CDKAL1: variants seen among roughly 807,000 people sequenced by gnomAD.
The protein encoded by CDKAL1 is CDKAL1 threonylcarbamoyladenosine tRNA methylthiotransferase.
In CDKAL1, 32 loss-of-function variants were observed where a neutral mutation model predicts 68.2. The observed-to-expected ratio is 0.47, with a 90% CI of 0.35 to 0.63. The LOEUF is 0.63. CDKAL1 is among the 30% of genes least tolerant of loss of function. The pLI, the probability that CDKAL1 is intolerant of heterozygous loss-of-function variation, is 0.00. For synonymous variants in CDKAL1, 234 were observed against 244.3 expected (o/e 0.96, Z 0.39); for missense variants, 606 against 696.7 (o/e 0.87, Z 1.47).
intron 6 of CDKAL1, among the ~76,000 whole-genome samples, chr6:20,743,838 C>T (rs1773557873): frequency 6.6e-6 from 1 of 152,182 alleles, no homozygotes; most frequent in Non-Finnish European, 1.5e-5. Flanking sequence ...TGTCTAATTT[C>T]TTCACAATGG....
chr6:20,958,058 C>G (rs1005807291), intron 10 of CDKAL1, among the ~76,000 whole-genome samples: 7 of 151,640 alleles, frequency 4.6e-5, no homozygotes, highest in African/African-American at 1.7e-4. Context: ...AATCCTAACC[C>G]CTGGCCAGAA....
In CDKAL1 at chr6:20,943,002, G is replaced by A. The variant is rs536081157; in HGVS notation, c.743-12417G>A. 1.0e-4 allele frequency among the ~76,000 whole-genome samples: 15 copies of A among 147,204 alleles called. No individual in the cohort carries two copies. The East Asian group carries it at 2.8e-3, about 27-fold the overall frequency. ...AATTATATTTTATATATACCCACAT[G>A]TTTGCCATTTCTGGTCCAATTCTTT... On this transcript the variant is annotated intron_variant, in intron 9 of 15. Transcript: ENST00000274695.
intron 12 of CDKAL1, among the ~76,000 whole-genome samples, chr6:21,103,105 T>C (rs571545483): frequency 1.6e-4 from 25 of 152,252 alleles, no homozygotes; most frequent in Non-Finnish European, 3.5e-4. Context: ...ATAGTCTTAT[T>C]ATAGCTTTTC....
chr6:21,140,995 A>C (rs1354563650), intron 13 of CDKAL1, among the ~76,000 whole-genome samples: 1 of 152,170 alleles, frequency 6.6e-6, no homozygotes, highest in African/African-American at 2.4e-5. Flanking sequence ...CTTATTCACT[A>C]TCACGAGAAT....
At chr6:21,070,537 G>A (rs1354543713) in intron 12 of CDKAL1, among the ~76,000 whole-genome samples, 1 of 151,668 alleles carries the variant, frequency 6.6e-6, no homozygotes, top group African/African-American at 2.4e-5. Context: ...CTTGCTGAGA[G>A]TACTTTTCTT....
At chr6:20,694,673 C>T (rs1005129743) in intron 5 of CDKAL1, among the ~76,000 whole-genome samples, 10 of 152,104 alleles carry the variant, frequency 6.6e-5, no homozygotes, top group African/African-American at 2.4e-4. Context: ...AGAATGAAGG[C>T]CTTTGTCACT....
intron 6 of CDKAL1, among the ~76,000 whole-genome samples, chr6:20,739,880 G>A (rs1441024524): frequency 1.3e-5 from 2 of 152,128 alleles, no homozygotes; most frequent in South Asian, 2.1e-4. Flanking sequence ...TTAATAACCC[G>A]GTCTTTGGCT....
chr6:21,217,576 C>T (rs751095991), intron 15 of CDKAL1, among the ~76,000 whole-genome samples: 2 of 152,082 alleles, frequency 1.3e-5, no homozygotes, highest in Non-Finnish European at 2.9e-5. Context: ...CGGCTCACTG[C>T]AACCTCTGCC....
chr6:20,813,493 T>C lies in CDKAL1; in HGVS notation c.638+32228T>C, dbSNP rs192514572. Among the ~76,000 whole-genome samples, 3 of 152,356 alleles carry C rather than the reference T, an allele frequency of 2.0e-5. No homozygotes were observed. In the East Asian group the frequency reaches 5.8e-4, roughly 29 times the overall value. On this transcript the variant is annotated intron_variant, in intron 8 of 15. Coordinates refer to ENST00000274695, the MANE Select transcript of CDKAL1 (RefSeq NM_017774.3). ...AGTTTATGATATTTTCAAGTATAAC[T>C]TGTACTTTTTGTGTTTCACATCCAA... is the stretch of plus-strand genomic sequence containing the variant.
chr6:20,945,071 TAC>T (rs141227225), intron 9 of CDKAL1, among the ~76,000 whole-genome samples: 346 of 150,364 alleles, frequency 2.3e-3, no homozygotes, highest in Middle Eastern at 7.0e-3. Context: ...CACACACACG[TAC>T]ACACACACAC....
At chr6:21,092,614 AT>A (rs1773099442) in intron 12 of CDKAL1, among the ~76,000 whole-genome samples, 1 of 152,114 alleles carries the variant, frequency 6.6e-6, no homozygotes, top group African/African-American at 2.4e-5. Context: ...GGATTACCAA[AT>A]TCCTGAGGAA....
chr6:20,598,202 G>A (rs996355239), intron 4 of CDKAL1, among the ~76,000 whole-genome samples: 2 of 152,190 alleles, frequency 1.3e-5, no homozygotes, highest in African/African-American at 4.8e-5. Flanking sequence ...CAGAAGTACT[G>A]TAAGAAACCT....
chr6:20,586,935 G>C (rs1212332604), intron 4 of CDKAL1, among the ~76,000 whole-genome samples: 4 of 145,930 alleles, frequency 2.7e-5, no homozygotes, highest in African/African-American at 1.0e-4. Context: ...GCATATGCTT[G>C]CACTTGCTAT....
intron 13 of CDKAL1, among the ~76,000 whole-genome samples, chr6:21,152,171 G>C (rs1776441655): frequency 6.6e-6 from 1 of 152,134 alleles, no homozygotes. Flanking sequence ...TCTCAGAAGA[G>C]GGTCCTCTCT....
chr6:20,560,929 A>C (rs777217295), intron 4 of CDKAL1, among the ~76,000 whole-genome samples: 4 of 152,144 alleles, frequency 2.6e-5, no homozygotes, highest in Non-Finnish European at 5.9e-5. Flanking sequence ...TTTTTACCTA[A>C]TCTAATCATT....
At position 21,142,415 on chromosome 6, in the gene CDKAL1, A is replaced by T. The variant is rs149282975; in HGVS notation, c.1299+33952A>T. On this transcript the variant is annotated intron_variant, in intron 13 of 15. Transcript: ENST00000274695. ...TGCCCAGTTTTTACCCAAACAGTAG[A>T]GTTTATGGTAACATAACTAAGGCTA... Among the ~76,000 whole-genome samples the T allele has an allele frequency of 3.9e-5, 6 of 152,164 alleles. No individual in the cohort carries two copies. The East Asian group carries it at 1.2e-3, about 29-fold the overall frequency.
intron 10 of CDKAL1, among the ~76,000 whole-genome samples, chr6:20,989,423 C>T (rs886724424): frequency 1.3e-5 from 2 of 152,116 alleles, no homozygotes; most frequent in East Asian, 1.9e-4. Flanking sequence ...ACTGCTTAAA[C>T]CATGGAACTA....
chr6:20,950,741 G>A (rs953297160), intron 9 of CDKAL1, among the ~76,000 whole-genome samples: 40 of 152,102 alleles, frequency 2.6e-4, no homozygotes, highest in African/African-American at 8.9e-4. Context: ...TGAGGTGGGC[G>A]GATCACCTGA....
intron 9 of CDKAL1, among the ~76,000 whole-genome samples, chr6:20,886,323 A>G (rs1761064853): frequency 6.6e-6 from 1 of 152,204 alleles, no homozygotes; most frequent in African/African-American, 2.4e-5. Context: ...GTGGAAAACA[A>G]TGTGACTGTT....
Sources: allele counts gnomAD v4.1 joint callset (sites outside exome capture counted in the v4.1 genomes callset), GRCh38; gene constraint gnomAD v4.1.1; transcripts MANE v1.5; gene names NCBI Gene and HGNC (gene_info 2026-07-23, HGNC 2026-07-21).